ZNF548: variants seen among roughly 807,000 people sequenced by gnomAD.
ZNF548 encodes zinc finger protein 548.
Under a neutral mutation model 10.2 loss-of-function variants are expected in ZNF548, and 10 were observed. That is an observed-to-expected ratio of 0.98 (90% CI 0.60 to 1.66). The LOEUF (loss-of-function observed/expected upper bound fraction) is 1.66. Among genes scored for constraint, ZNF548 ranks in the 40% most tolerant of loss-of-function variants. The pLI, the probability that ZNF548 is intolerant of heterozygous loss-of-function variation, is 0.00. For synonymous variants in ZNF548, 217 were observed against 223.5 expected, an observed-to-expected ratio of 0.97 and a Z score of 0.26; for missense variants, 599 against 657.0, an observed-to-expected ratio of 0.91 and a Z score of 0.97.
chr19:57,390,114 G>A lies in ZNF548; in HGVS notation c.15G>A (p.Glu5=). MNLT[E]GPLAMAEMDP... ...AGGCCTTGCTGATGAACCTGACTGA[G>A]GTGGGTGTCCCGTCCCAGGCTCCCC... The change falls in exon 1 of 4, where the codon GAG becomes GAA. Residue 5 remains glutamate (E), a splice_region_variant and synonymous_variant. Transcript: ENST00000336128. 1 of 1,608,386 alleles carries A rather than the reference G, an allele frequency of 6.2e-7. No individual in the cohort carries two copies. Among genetic ancestry groups the A allele is most frequent in the Non-Finnish European group, 8.5e-7 (1 of 1,179,412 alleles).
Position 57,396,931 on chromosome 19 carries a change from G to A in ZNF548, c.52-117G>A, listed in dbSNP as rs2088669952. 4.3e-6 allele frequency: 6 copies of A among 1,401,762 alleles called. No homozygotes were observed. The South Asian group carries it at 7.3e-5, about 17-fold the overall frequency. 86.8% of individuals were successfully genotyped at this position (1,401,762 alleles called of 1,614,324 possible). On this transcript the variant is annotated intron_variant, in intron 2 of 3. Transcript: ENST00000336128. ...TGGTAGGGGAGATGGAAACACATTT[G>A]GCTGTTAGTTTGGCCCTGTGTTTAA...
At chr19:57,393,045 A>C in intron 1 of ZNF548, 1 of 913,316 alleles carries the variant, frequency 1.1e-6, no homozygotes, top group Non-Finnish European at 1.3e-6. Context: ...TCTGTTGAAC[A>C]AGAGAAATGT....
chr19:57,394,809 A>C (rs555874095), intron 2 of ZNF548, among the ~76,000 whole-genome samples: 10 of 152,218 alleles, frequency 6.6e-5, no homozygotes, highest in African/African-American at 2.4e-4. Flanking sequence ...TTTTAACTAG[A>C]GCTGCCCACA....
intron 2 of ZNF548, 79 bp downstream of exon 2, chr19:57,394,302 C>G (rs1346983783): frequency 1.4e-6 from 2 of 1,421,632 alleles, no homozygotes; most frequent in East Asian, 2.4e-5. Context: ...ACCTCTTTTC[C>G]TGTCTTTCTC....
Position 57,398,420 on chromosome 19 carries a change from G to T in ZNF548, c.179-10G>T, listed in dbSNP as rs1232597723. ...CAACATGCACTTCTCCAGCATTTCT[G>T]TTCTGACAGGTTCTTGGCATGGAGC... On this transcript the variant is annotated splice_polypyrimidine_tract_variant and intron_variant, in intron 3 of 3. Transcript: ENST00000336128. The T allele has an allele frequency of 5.0e-6, 8 of 1,610,214 alleles. No individual in the cohort carries two copies. In the East Asian group the frequency reaches 8.9e-5, roughly 18 times the overall value.
At chr19:57,390,383 G>A in intron 1 of ZNF548, 1 of 396,370 alleles carries the variant, frequency 2.5e-6, no homozygotes, top group Non-Finnish European at 4.5e-6. Context: ...TTCTCGCTTG[G>A]AATGGCAACC....
Position 57,397,352 on chromosome 19 carries a change from G to C in ZNF548, c.178+178G>C. ...TGTGTTTTATACCCCCTTTTTCCTA[G>C]CATCCCCATCCCTGCTGCTCTGAGG... On this transcript the variant is annotated intron_variant, in intron 3 of 3. Transcript: ENST00000336128. 6 of 953,566 alleles carry C rather than the reference G, an allele frequency of 6.3e-6. No individual in the cohort carries two copies. The South Asian group carries it at 1.7e-4, about 27-fold the overall frequency. The allele number at this position is 953,566 out of a possible 1,614,324, so 59.1% of individuals were successfully genotyped here.
rs2088617138 is a variant in ZNF548 at position 57,390,666 on chromosome 19, A to T, written c.15+552A>T. ...CAGTTATGTCTGAACAAAGGCAGTG[A>T]AGAACCGTTTCAAGTGTTTGTTTTG... is the stretch of plus-strand genomic sequence containing the variant. On this transcript the variant is annotated intron_variant, in intron 1 of 3. Coordinates refer to ENST00000336128, the MANE Select transcript of ZNF548 (RefSeq NM_001172773.2). The T allele has an allele frequency of 2.0e-5, 3 of 152,718 alleles. No homozygotes were observed. The South Asian group carries it at 6.2e-4, about 32-fold the overall frequency. 9.5% of individuals were successfully genotyped at this position (152,718 alleles called of 1,614,324 possible).
rs1304321996 is a variant in ZNF548, at chr19:57,398,533, G to T, written c.282G>T (p.Lys94Asn). 6.2e-7 allele frequency: 1 copy of T among 1,614,046 alleles called. No individual in the cohort carries two copies. Among genetic ancestry groups the T allele is most frequent in the Non-Finnish European group, 8.5e-7 (1 of 1,179,892 alleles). Residue 94 changes from lysine to asparagine, a missense_variant, in exon 4 of 4, where the codon AAG becomes AAT. Transcript: ENST00000336128. ...TASKPCLSSQ[K>N]VHPSETCGPP... is the part of the protein sequence containing the mutation. ...CAAAGCCCTGTCTGTCCAGCCAGAA[G>T]GTCCACCCTAGTGAGACATGTGGCC...
intron 1 of ZNF548, among the ~76,000 whole-genome samples, chr19:57,391,829 C>T (rs59724182): frequency 0.053 from 7,246 of 135,778 alleles, 592 homozygotes; most frequent in African/African-American, 0.19. Flanking sequence ...AGTCTCGCTC[C>T]GTCGCCCAGG....
chr19:57,398,563 C>T lies in ZNF548; in HGVS notation c.312C>T (p.Pro104=). The T allele has an allele frequency of 6.2e-7, 1 of 1,614,068 alleles. No homozygotes were observed. Among genetic ancestry groups the T allele is most frequent in the Non-Finnish European group, 8.5e-7 (1 of 1,179,900 alleles). The stretch of plus-strand genomic sequence containing the variant: ...ACCCTAGTGAGACATGTGGCCCACC[C>T]TTGAAAGACATTCTGTGCCTGGTTG... The part of the protein sequence containing the change: ...KVHPSETCGP[P]LKDILCLVEH... The change falls in exon 4 of 4, where the codon CCC becomes CCT. Residue 104 remains proline, a synonymous_variant. Coordinates refer to ENST00000336128, the MANE Select transcript of ZNF548 (RefSeq NM_001172773.2).
rs377138150 is a variant in ZNF548, at chr19:57,399,541, A to G, written c.1290A>G (p.Glu430=). The part of the protein sequence containing the change: ...LIRHQRVHTG[E]RPYECSECGK... ...GACACCAGAGAGTCCACACGGGAGAAAGGCCTTATGAGTGCAGCGAATGCG... is the reference window on the plus strand; with the variant it reads ...GACACCAGAGAGTCCACACGGGAGAGAGGCCTTATGAGTGCAGCGAATGCG... Residue 430 remains glutamate, a synonymous_variant, in exon 4 of 4, where the codon GAA becomes GAG. Transcript: ENST00000336128. The surrounding 1 kb of genome is among the most constrained non-coding windows in gnomAD (Gnocchi z 4.0). 9 of 1,614,066 alleles carry G rather than the reference A, an allele frequency of 5.6e-6. No homozygotes were observed. In the African/African-American group the frequency reaches 1.2e-4, roughly 22 times the overall value.
rs2123049740 is a variant in ZNF548 at position 57,401,583 on chromosome 19, A to C, written c.*1694A>C. 1 of 152,282 alleles carries C rather than the reference A, an allele frequency of 6.6e-6. No homozygotes were observed. Among genetic ancestry groups the C allele is most frequent in the Non-Finnish European group, 1.5e-5 (1 of 68,028 alleles). 9.4% of individuals were successfully genotyped at this position (152,282 alleles called of 1,614,324 possible). A position where few individuals can be genotyped will look rare whatever the true frequency, so the allele number is the denominator to read the frequency against. ...TGGAATCAGTCCCCCACAGACACCA[A>C]GGGATGACTGTAGTGCATTTTATCT... On this transcript the variant is annotated 3_prime_UTR_variant, in exon 4 of 4. Coordinates refer to ENST00000336128, the MANE Select transcript of ZNF548 (RefSeq NM_001172773.2).
chr19:57,402,061 A>C lies in ZNF548; in HGVS notation c.*2172A>C, dbSNP rs1461349657. Reference sequence around the variant, plus strand: ...GTGCCTGGCTACATTTAGATCTTTAATCTACTTGGGGTTCATTTTTGCATA... The same window carrying C: ...GTGCCTGGCTACATTTAGATCTTTACTCTACTTGGGGTTCATTTTTGCATA... On this transcript the variant is annotated 3_prime_UTR_variant, in exon 4 of 4. Transcript: ENST00000336128. The C allele has an allele frequency of 6.6e-6, 1 of 152,056 alleles. No individual in the cohort carries two copies. Among genetic ancestry groups the C allele is most frequent in the Non-Finnish European group, 1.5e-5 (1 of 68,004 alleles). The allele number at this position is 152,056 out of a possible 1,614,324, so 9.4% of individuals were successfully genotyped here.
chr19:57,398,848 A>G lies in ZNF548; in HGVS notation c.597A>G (p.Arg199=), dbSNP rs372465326. 6.2e-6 allele frequency: 10 copies of G among 1,614,068 alleles called. No individual in the cohort carries two copies. The highest frequency in any genetic ancestry group is 1.1e-5 in the South Asian group (1 of 91,092). The change falls in exon 4 of 4, where the codon AGA becomes AGG. Residue 199 remains arginine, a synonymous_variant. Transcript: ENST00000336128. ...EWKPYRDTED[R]EAFQTGQNDY... ...AGCCATACAGGGACACAGAGGACAG[A>G]GAAGCCTTTCAGACTGGACAAAATG...
At chr19:57,396,511 G>A (rs1324558759) in intron 2 of ZNF548, among the ~76,000 whole-genome samples, 1 of 152,210 alleles carries the variant, frequency 6.6e-6, no homozygotes, top group Non-Finnish European at 1.5e-5. Context: ...ATGAGATCCT[G>A]GAGAGAGAAA....
intron 3 of ZNF548, 141 bp from the exon 4 acceptor site, chr19:57,398,289 C>G (rs980274815): frequency 8.9e-5 from 131 of 1,469,704 alleles, no homozygotes; most frequent in Non-Finnish European, 1.0e-4. Flanking sequence ...CATAGTGGAC[C>G]CTCCTCTCAC....
At chr19:57,391,067 T>C (rs2088620586) in intron 1 of ZNF548, among the ~76,000 whole-genome samples, 1 of 152,236 alleles carries the variant, frequency 6.6e-6, no homozygotes, top group Non-Finnish European at 1.5e-5. Context: ...GCCTGAATAA[T>C]GTACATTGTA....
chr19:57,397,274 G>T, intron 3 of ZNF548, 100 bp downstream of exon 3: 1 of 1,426,362 alleles, frequency 7.0e-7, no homozygotes, highest in Non-Finnish European at 9.2e-7. Flanking sequence ...CGTGGGTGCT[G>T]CTTCTTTTCC....
Sources: gnomAD v4.1 joint callset for allele counts (sites outside exome capture counted in the v4.1 genomes callset) on GRCh38, gnomAD v4.1.1 for gene constraint, Gnocchi (gnomAD v3.1) non-coding constraint, MANE v1.5 for transcripts, NCBI Gene and HGNC (gene_info 2026-07-23, HGNC 2026-07-21) for gene names.